The following PHACTR1 variants were observed in gnomAD, a reference collection of about 807,000 sequenced individuals.
PHACTR1 encodes phosphatase and actin regulator 1.
In PHACTR1, 16 loss-of-function variants were observed where a neutral mutation model predicts 69.2. That is an observed-to-expected ratio of 0.23 (90% CI 0.16 to 0.35). PHACTR1 has a LOEUF of 0.35. Among genes scored for constraint, PHACTR1 ranks in the 10% least tolerant of loss-of-function variants. The pLI is 1.00. For synonymous variants in PHACTR1, 312 were observed against 284.5 expected (o/e 1.10, Z -0.97); for missense variants, 510 against 734.7 (o/e 0.69, Z 3.54).
At chr6:12,815,994 G>A (rs1392549455) in intron 4 of PHACTR1, among the ~76,000 whole-genome samples, 1 of 152,142 alleles carries the variant, frequency 6.6e-6, no homozygotes, top group African/African-American at 2.4e-5. Context: ...TCCAATATGG[G>A]CAAGGCAAGA....
At chr6:12,934,888 C>T (rs897713644) in intron 4 of PHACTR1, among the ~76,000 whole-genome samples, 5 of 151,962 alleles carry the variant, frequency 3.3e-5, no homozygotes, top group Non-Finnish European at 5.9e-5. Context: ...AGCTAATAAC[C>T]GGGTACACGT....
intron 4 of PHACTR1, among the ~76,000 whole-genome samples, chr6:12,955,171 A>G (rs1177058658): frequency 1.5e-5 from 2 of 136,654 alleles, no homozygotes; most frequent in Non-Finnish European, 3.1e-5. Flanking sequence ...AATTACATCT[A>G]TGGCTCACAT....
chr6:12,962,616 G>T (rs1479365230), intron 4 of PHACTR1, among the ~76,000 whole-genome samples: 1 of 152,116 alleles, frequency 6.6e-6, no homozygotes, highest in Non-Finnish European at 1.5e-5. Context: ...CAAGGGAAAG[G>T]GAGGACCTTG....
chr6:13,275,211 G>T lies in PHACTR1; in HGVS notation c.1447+2296G>T, dbSNP rs1252600492. 6.5e-6 allele frequency: 1 copy of T among 152,690 alleles called. No homozygotes were observed. The highest frequency in any genetic ancestry group is 1.9e-4 in the East Asian group (1 of 5,212). The allele number at this position is 152,690 out of a possible 1,614,324, so 9.5% of individuals were successfully genotyped here. On this transcript the variant is annotated intron_variant, in intron 11 of 14. Coordinates refer to ENST00000332995, the MANE Select transcript of PHACTR1 (RefSeq NM_030948.6). The surrounding 1 kb of genome is among the most constrained non-coding windows in gnomAD (Gnocchi z 4.0). The stretch of plus-strand genomic sequence containing the variant: ...TTGGTTTCCAGCCCCACCCTGCCTG[G>T]TCCTGGGAGCAGCCCCTGTTCTGTC...
intron 5 of PHACTR1, among the ~76,000 whole-genome samples, chr6:13,100,511 C>T (rs1814985208): frequency 6.6e-6 from 1 of 152,126 alleles, no homozygotes; most frequent in Non-Finnish European, 1.5e-5. Context: ...TGTCTCCATA[C>T]CTGAGTACCA....
At chr6:12,941,742 C>G (rs971995171) in intron 4 of PHACTR1, among the ~76,000 whole-genome samples, 6 of 152,056 alleles carry the variant, frequency 3.9e-5, no homozygotes, top group Non-Finnish European at 7.4e-5. Flanking sequence ...ATAGTCAGAG[C>G]CCAGGGCAGA....
intron 4 of PHACTR1, 94 bp downstream of exon 4, chr6:12,749,884 C>T (rs981921342): frequency 1.6e-6 from 2 of 1,245,498 alleles, no homozygotes; most frequent in South Asian, 3.2e-5. Context: ...TCCTCCCCGC[C>T]GCCCCCCGCA....
chr6:13,109,035 C>T (rs1009809948), intron 5 of PHACTR1, among the ~76,000 whole-genome samples: 2 of 151,906 alleles, frequency 1.3e-5, no homozygotes, highest in Admixed American at 1.3e-4. Flanking sequence ...TCGCAGTCTA[C>T]CTTCAGATAA....
intron 4 of PHACTR1, among the ~76,000 whole-genome samples, chr6:12,779,656 T>C (rs1024476519): frequency 3.3e-5 from 5 of 152,232 alleles, no homozygotes; most frequent in African/African-American, 1.2e-4. Context: ...AATCAAACCC[T>C]AATTTCAAGT....
chr6:13,009,449 A>AAATTAATTAAATAT (rs1799195278), intron 4 of PHACTR1, among the ~76,000 whole-genome samples: 1 of 152,166 alleles, frequency 6.6e-6, no homozygotes, highest in South Asian at 2.1e-4. Flanking sequence ...TTTCTATTTG[A>AAATTAATTAAATAT]GTACACTTCC....
intron 5 of PHACTR1, among the ~76,000 whole-genome samples, chr6:13,158,178 G>A (rs112423391): frequency 0.011 from 1,679 of 151,708 alleles, 21 homozygotes; most frequent in African/African-American, 0.036. Flanking sequence ...CCCCGCGCCC[G>A]GCTGCTTAGC....
At chr6:13,124,608 C>T (rs924197566) in intron 5 of PHACTR1, among the ~76,000 whole-genome samples, 1 of 152,162 alleles carries the variant, frequency 6.6e-6, no homozygotes, top group Non-Finnish European at 1.5e-5. Flanking sequence ...AAGACACAAA[C>T]CCATGTTTGT....
At chr6:12,747,205 A>G (rs1478475985) in intron 3 of PHACTR1, among the ~76,000 whole-genome samples, 1 of 152,156 alleles carries the variant, frequency 6.6e-6, no homozygotes, top group East Asian at 1.9e-4. Context: ...TACTTAGCAA[A>G]TCCAAATACT....
chr6:13,121,482 C>G (rs1444241766), intron 5 of PHACTR1, among the ~76,000 whole-genome samples: 1 of 152,136 alleles, frequency 6.6e-6, no homozygotes, highest in Non-Finnish European at 1.5e-5. Flanking sequence ...ACATAGAAGT[C>G]TATATAGTTA....
rs577973831 is a variant in PHACTR1 at position 12,984,744 on chromosome 6, G to A, written c.251-68621G>A. On this transcript the variant is annotated intron_variant, in intron 4 of 14. Transcript: ENST00000332995. ...CATTACTGGGGAGAGGATGGGTCCT[G>A]TTGTCTACACCTCCCCCAACCGAGC... 5.3e-5 allele frequency among the ~76,000 whole-genome samples: 8 copies of A among 151,074 alleles called. No individual in the cohort carries two copies. The East Asian group carries it at 9.7e-4, about 18-fold the overall frequency.
chr6:12,869,939 A>G (rs1781855997), intron 4 of PHACTR1, among the ~76,000 whole-genome samples: 1 of 152,190 alleles, frequency 6.6e-6, no homozygotes, highest in Admixed American at 6.5e-5. Flanking sequence ...CCCTGGTCCT[A>G]GGGTTATAAG....
At chr6:13,022,347 G>T (rs1482332943) in intron 4 of PHACTR1, among the ~76,000 whole-genome samples, 1 of 152,206 alleles carries the variant, frequency 6.6e-6, no homozygotes, top group Non-Finnish European at 1.5e-5. Flanking sequence ...TGCTGGAGGT[G>T]CCTAAAACCT....
At chr6:12,790,232 C>T (rs1388316274) in intron 4 of PHACTR1, among the ~76,000 whole-genome samples, 1 of 152,144 alleles carries the variant, frequency 6.6e-6, no homozygotes, top group Non-Finnish European at 1.5e-5. Flanking sequence ...GACCTCAAGG[C>T]CCTTCATAAT....
rs1181795045 is a variant in PHACTR1 at position 13,185,012 on chromosome 6, G to A, written c.664+2326G>A. ...ATTGCCAACCACTTAACAGGTGAGTGCAGACGTCTTCTGGGGCAAGCAGTC... is the reference window on the plus strand; with the variant it reads ...ATTGCCAACCACTTAACAGGTGAGTACAGACGTCTTCTGGGGCAAGCAGTC... On this transcript the variant is annotated intron_variant, in intron 7 of 14. Transcript: ENST00000332995. The A allele has an allele frequency of 2.9e-6, 4 of 1,356,312 alleles. No individual in the cohort carries two copies. The African/African-American group carries it at 4.5e-5, about 15-fold the overall frequency. The allele number at this position is 1,356,312 out of a possible 1,614,324, so 84.0% of individuals were successfully genotyped here. A position where few individuals can be genotyped will look rare whatever the true frequency, so the allele number is the denominator to read the frequency against.
Sources: allele counts gnomAD v4.1 joint callset (sites outside exome capture counted in the v4.1 genomes callset), GRCh38; gene constraint gnomAD v4.1.1; non-coding constraint Gnocchi (gnomAD v3.1); transcripts MANE v1.5; gene names NCBI Gene and HGNC (gene_info 2026-07-23, HGNC 2026-07-21).